The following PKNOX2 variants were observed in gnomAD, a reference collection of about 807,000 sequenced individuals.
The protein encoded by PKNOX2 is homeobox protein PKNOX2.
Under a neutral mutation model 53.1 loss-of-function variants are expected in PKNOX2, and 14 were observed. The ratio of observed to expected loss-of-function variants is 0.26; its 90% CI spans 0.17 to 0.41. The LOEUF is 0.41. PKNOX2 is among the 10% of genes least tolerant of loss of function. The probability of loss-of-function intolerance (pLI) is 1.00; values close to 1 mark genes in which losing one functional copy is unlikely to be tolerated. For missense variants in PKNOX2, 496 were observed against 602.8 expected, an observed-to-expected ratio of 0.82 and a Z score of 1.85; for synonymous variants, 257 against 242.8, an observed-to-expected ratio of 1.06 and a Z score of -0.54.
intron 4 of PKNOX2, among the ~76,000 whole-genome samples, chr11:125,354,528 C>T (rs940262182): frequency 2.6e-5 from 4 of 152,310 alleles, no homozygotes; most frequent in South Asian, 4.2e-4. Flanking sequence ...AGAGCCCTTC[C>T]TCTGAGACCC....
In PKNOX2 at chr11:125,431,682, C is replaced by A. The variant is rs1190794088; in HGVS notation, c.*290C>A. 4.5e-6 allele frequency: 2 copies of A among 444,204 alleles called. No homozygotes were observed. The highest frequency in any genetic ancestry group is 4.1e-6 in the Non-Finnish European group (1 of 243,524). 27.5% of individuals were successfully genotyped at this position (444,204 alleles called of 1,614,324 possible). The stretch of plus-strand genomic sequence containing the variant: ...GGAGTGAGATCTGGACTCACCAAAT[C>A]CCTGAGGATAGATGGCACCCATGGC... On this transcript the variant is annotated 3_prime_UTR_variant, in exon 13 of 13. Transcript: ENST00000298282.
intron 2 of PKNOX2, among the ~76,000 whole-genome samples, chr11:125,264,457 G>C (rs1395134939): frequency 6.6e-6 from 1 of 152,124 alleles, no homozygotes; most frequent in East Asian, 1.9e-4. Flanking sequence ...TGAGGTCAGG[G>C]ATAGTGTCTC....
intron 6 of PKNOX2, among the ~76,000 whole-genome samples, chr11:125,386,712 G>GC (rs1953656865): frequency 1.1e-5 from 1 of 88,960 alleles, no homozygotes; most frequent in South Asian, 3.6e-4. Flanking sequence ...GGAAGAAAAA[G>GC]AACACACACA....
intron 2 of PKNOX2, among the ~76,000 whole-genome samples, chr11:125,289,331 C>T (rs12279920): frequency 0.13 from 20,497 of 152,208 alleles, 1,587 homozygotes; most frequent in East Asian, 0.23. Context: ...ACCAGTGATC[C>T]AGGCAGACAA....
intron 7 of PKNOX2, among the ~76,000 whole-genome samples, chr11:125,408,471 G>A (rs1438527350): frequency 2.0e-5 from 3 of 152,312 alleles, no homozygotes; most frequent in Admixed American, 6.5e-5. Flanking sequence ...CCACCCACCC[G>A]GAGGAGCCAC....
At chr11:125,344,347 G>T (rs1212718990) in intron 3 of PKNOX2, among the ~76,000 whole-genome samples, 1 of 152,216 alleles carries the variant, frequency 6.6e-6, no homozygotes, top group Non-Finnish European at 1.5e-5. Flanking sequence ...CAGGCCATTA[G>T]GGGGAGGCCA....
chr11:125,170,281 C>T (rs558303829), intron 1 of PKNOX2, among the ~76,000 whole-genome samples: 33 of 152,308 alleles, frequency 2.2e-4, no homozygotes, highest in Admixed American at 5.9e-4. Context: ...CCTGGAGACG[C>T]GGCTCTGGTG....
intron 1 of PKNOX2, among the ~76,000 whole-genome samples, chr11:125,202,177 C>A (rs567679576): frequency 1.3e-5 from 2 of 152,328 alleles, no homozygotes; most frequent in African/African-American, 4.8e-5. Context: ...GGCTTCCCCT[C>A]CTGCAAAAGA....
intron 1 of PKNOX2, among the ~76,000 whole-genome samples, chr11:125,229,917 G>T (rs1466707732): frequency 6.6e-6 from 1 of 152,232 alleles, no homozygotes; most frequent in Non-Finnish European, 1.5e-5. Context: ...GCTTGCTTCT[G>T]CCTGGTGTAG....
intron 2 of PKNOX2, among the ~76,000 whole-genome samples, chr11:125,253,336 C>T (rs979612422): frequency 2.0e-5 from 3 of 152,038 alleles, no homozygotes; most frequent in Admixed American, 6.6e-5. Context: ...GGGAGAAGTA[C>T]GCAGGCTACT....
At position 125,240,855 on chromosome 11, in the gene PKNOX2, G is replaced by C. The variant is rs751351317; in HGVS notation, c.-130+5740G>C. Among the ~76,000 whole-genome samples the C allele has an allele frequency of 3.9e-5, 6 of 152,160 alleles. No individual in the cohort carries two copies. The highest frequency in any genetic ancestry group is 1.3e-4 in the Admixed American group (2 of 15,280). On this transcript the variant is annotated intron_variant, in intron 2 of 12. Coordinates refer to ENST00000298282, the MANE Select transcript of PKNOX2 (RefSeq NM_001382323.2). This position sits in a 1 kb window ranked among gnomAD's most constrained non-coding sequence, Gnocchi z 4.3. Reference sequence around the variant, plus strand: ...TAGCCAGCCAAGCTGGCTCTTCAGAGAGGAAAAATTGCTCCAAAGCTAGCC... The same window carrying C: ...TAGCCAGCCAAGCTGGCTCTTCAGACAGGAAAAATTGCTCCAAAGCTAGCC...
chr11:125,304,703 C>T (rs776139168), intron 2 of PKNOX2, among the ~76,000 whole-genome samples: 6 of 152,164 alleles, frequency 3.9e-5, no homozygotes, highest in Non-Finnish European at 8.8e-5. Flanking sequence ...GGCAAATATC[C>T]AGGGGTCTGC....
At chr11:125,272,677 G>A (rs1235715758) in intron 2 of PKNOX2, among the ~76,000 whole-genome samples, 2 of 152,118 alleles carry the variant, frequency 1.3e-5, no homozygotes, top group African/African-American at 4.8e-5. Context: ...GAGGGCACAG[G>A]GACAGCTCTC....
In PKNOX2 at chr11:125,397,778, G is replaced by T. The variant is rs531800365; in HGVS notation, c.400-96G>T. 5 of 1,262,858 alleles carry T rather than the reference G, an allele frequency of 4.0e-6. No individual in the cohort carries two copies. The South Asian group carries it at 7.2e-5, about 18-fold the overall frequency. The allele number at this position is 1,262,858 out of a possible 1,614,324, so 78.2% of individuals were successfully genotyped here. A position where few individuals can be genotyped will look rare whatever the true frequency, so the allele number is the denominator to read the frequency against. On this transcript the variant is annotated intron_variant, in intron 6 of 12. Coordinates refer to ENST00000298282, the MANE Select transcript of PKNOX2 (RefSeq NM_001382323.2). ...GGAAGCATGAGCTACGGCAGGGGGTGGGCTCCCCTCCCCTGGGGTGGTGGG... is the reference window on the plus strand; with the variant it reads ...GGAAGCATGAGCTACGGCAGGGGGTTGGCTCCCCTCCCCTGGGGTGGTGGG...
intron 1 of PKNOX2, among the ~76,000 whole-genome samples, chr11:125,206,906 T>A (rs1055454744): frequency 2.0e-5 from 3 of 151,676 alleles, no homozygotes; most frequent in Admixed American, 6.6e-5. Context: ...GGAAACCAGT[T>A]AGAGACCTCC....
chr11:125,263,982 G>C (rs1048775646), intron 2 of PKNOX2, among the ~76,000 whole-genome samples: 3 of 152,174 alleles, frequency 2.0e-5, no homozygotes, highest in Non-Finnish European at 4.4e-5. Flanking sequence ...AGGACCATGG[G>C]AATCCCAGTG....
chr11:125,431,192 T>C lies in PKNOX2; in HGVS notation c.1219T>C (p.Ser407Pro). The C allele has an allele frequency of 6.2e-7, 1 of 1,613,774 alleles. No individual in the cohort carries two copies. Among genetic ancestry groups the C allele is most frequent in the Non-Finnish European group, 8.5e-7 (1 of 1,179,866 alleles). The change falls in exon 13 of 13, where the codon TCC (serine) becomes CCC (proline). Residue 407 changes from serine (S) to proline (P), a missense_variant. Transcript: ENST00000298282. ...TTCCATCAACTTGGACAACCTGCAG[T>C]CCCTGTCCTCAGACAGTGCCACCAT... is the stretch of plus-strand genomic sequence containing the variant. ...DGSINLDNLQ[S>P]LSSDSATMAM...
At chr11:125,251,753 T>C (rs1358466973) in intron 2 of PKNOX2, among the ~76,000 whole-genome samples, 1 of 148,642 alleles carries the variant, frequency 6.7e-6, no homozygotes, top group Non-Finnish European at 1.5e-5. Context: ...GCCTCCATCC[T>C]GTGTTTCTAC....
intron 5 of PKNOX2, among the ~76,000 whole-genome samples, chr11:125,383,865 G>C (rs1953426379): frequency 6.6e-6 from 1 of 152,118 alleles, no homozygotes; most frequent in African/African-American, 2.4e-5. Context: ...CCCTTGAGCA[G>C]AAGCATGGGG....
Sources: allele counts gnomAD v4.1 joint callset (sites outside exome capture counted in the v4.1 genomes callset), GRCh38; gene constraint gnomAD v4.1.1; non-coding constraint Gnocchi (gnomAD v3.1); transcripts MANE v1.5; gene names NCBI Gene and HGNC (gene_info 2026-07-23, HGNC 2026-07-21).